The following THSD7A variants were observed in gnomAD, a reference collection of about 807,000 sequenced individuals.
THSD7A encodes thrombospondin type-1 domain-containing protein 7A.
In THSD7A, 96 loss-of-function variants were observed where a neutral mutation model predicts 231.3. The ratio of observed to expected loss-of-function variants is 0.41; its 90% CI spans 0.35 to 0.49. The LOEUF (loss-of-function observed/expected upper bound fraction) is 0.49, where lower values mean the gene tolerates loss of function less well. Among genes scored for constraint, THSD7A ranks in the 20% least tolerant of loss-of-function variants. The pLI, the probability that THSD7A is intolerant of heterozygous loss-of-function variation, is 0.05. For missense variants in THSD7A, 2,290 were observed against 2,070.2 expected (o/e 1.11, Z -2.06); for synonymous variants, 940 against 743.3 (o/e 1.26, Z -4.30).
chr7:11,721,350 G>A (rs1781344265), intron 1 of THSD7A, among the ~76,000 whole-genome samples: 1 of 151,706 alleles, frequency 6.6e-6, no homozygotes, highest in South Asian at 2.1e-4. Flanking sequence ...TTATGACAGT[G>A]AGTGAGTTCT....
At chr7:11,564,292 C>T (rs779459142) in intron 4 of THSD7A, among the ~76,000 whole-genome samples, 5 of 152,180 alleles carry the variant, frequency 3.3e-5, no homozygotes, top group Admixed American at 6.5e-5. Context: ...GGAGTTATCA[C>T]GTGGACACTA....
At position 11,636,550 on chromosome 7, in the gene THSD7A, G is replaced by C. The variant is rs374012708; in HGVS notation, c.602C>G (p.Ser201Cys). 7.4e-6 allele frequency: 12 copies of C among 1,613,880 alleles called. No homozygotes were observed. The highest frequency in any genetic ancestry group is 1.0e-5 in the Non-Finnish European group (12 of 1,179,904). The change falls in exon 2 of 28, where the codon TCT becomes TGT. Residue 201 changes from serine to cysteine, a missense_variant. Coordinates refer to ENST00000423059, the MANE Select transcript of THSD7A (RefSeq NM_015204.3). This position sits in a 1 kb window ranked among gnomAD's most constrained non-coding sequence, Gnocchi z 10.0. ...CQQDCIVSEFSAWSECSKTCG... is the reference protein window; with the variant it reads ...CQQDCIVSEFCAWSECSKTCG... The stretch of plus-strand genomic sequence containing the variant: ...GGTCTTGGAGCATTCGGACCAGGCA[G>C]AAAATTCAGACACGATGCAATCTTG...
chr7:11,554,526 AT>A (rs1166674008), intron 4 of THSD7A, among the ~76,000 whole-genome samples: 1 of 152,030 alleles, frequency 6.6e-6, no homozygotes, highest in Admixed American at 6.6e-5. Flanking sequence ...TGGATGCTAA[AT>A]TTTGTTAAAT....
chr7:11,575,218 T>A (rs1790840374), intron 4 of THSD7A, among the ~76,000 whole-genome samples: 1 of 152,174 alleles, frequency 6.6e-6, no homozygotes, highest in South Asian at 2.1e-4. Context: ...AGACAGAAAC[T>A]TGGTAATTAT....
chr7:11,403,329 G>A (rs983454233), intron 22 of THSD7A, among the ~76,000 whole-genome samples: 5 of 152,112 alleles, frequency 3.3e-5, no homozygotes, highest in Non-Finnish European at 5.9e-5. Flanking sequence ...ATATATATAC[G>A]TAATAGCAAA....
At chr7:11,618,462 C>T (rs1413839706) in intron 2 of THSD7A, among the ~76,000 whole-genome samples, 1 of 152,030 alleles carries the variant, frequency 6.6e-6, no homozygotes. Context: ...ACTTACACTC[C>T]ATTGGGGAAT....
At position 11,375,661 on chromosome 7, in the gene THSD7A, C is replaced by G; in HGVS notation, c.*133G>C. On this transcript the variant is annotated 3_prime_UTR_variant, in exon 28 of 28. Coordinates refer to ENST00000423059, the MANE Select transcript of THSD7A (RefSeq NM_015204.3). ...CTCCAGTGGCAGTATGATTTTCACT[C>G]TTGTCTTTATGATGCCATTTTTAAA... The G allele has an allele frequency of 1.4e-6, 1 of 703,002 alleles. No individual in the cohort carries two copies. The highest frequency in any genetic ancestry group is 2.1e-5 in the South Asian group (1 of 48,498). 43.5% of individuals were successfully genotyped at this position (703,002 alleles called of 1,614,324 possible).
chr7:11,718,041 T>C (rs923177534), intron 1 of THSD7A, among the ~76,000 whole-genome samples: 3 of 151,636 alleles, frequency 2.0e-5, no homozygotes, highest in Non-Finnish European at 3.0e-5. Context: ...CACAAATATA[T>C]ATGCAATCAT....
chr7:11,622,282 C>A lies in THSD7A; in HGVS notation c.1022+13848G>T, dbSNP rs1022241751. 4.6e-5 allele frequency among the ~76,000 whole-genome samples: 7 copies of A among 151,958 alleles called. 1 individual carries two copies. Among genetic ancestry groups the A allele is most frequent in the Non-Finnish European group, 1.0e-4 (7 of 67,950 alleles). ...TCTTTTTTGAAAGAGATTTAAAAAA[C>A]TTAAGAAGGTAAGAACTTTGTTTTC... is the stretch of plus-strand genomic sequence containing the variant. On this transcript the variant is annotated intron_variant, in intron 2 of 27. Coordinates refer to ENST00000423059, the MANE Select transcript of THSD7A (RefSeq NM_015204.3).
chr7:11,741,310 G>A (rs912301748), intron 1 of THSD7A, among the ~76,000 whole-genome samples: 1 of 151,878 alleles, frequency 6.6e-6, no homozygotes, highest in Non-Finnish European at 1.5e-5. Flanking sequence ...CTCCGTTTAA[G>A]AGATCCAAAG....
chr7:11,627,373 A>C (rs540326130), intron 2 of THSD7A, among the ~76,000 whole-genome samples: 36 of 152,178 alleles, frequency 2.4e-4, no homozygotes, highest in Non-Finnish European at 1.3e-4. Context: ...ATATAGCCTT[A>C]CATAATATAC....
intron 24 of THSD7A, among the ~76,000 whole-genome samples, 158 bp downstream of exon 24, chr7:11,382,363 T>C (rs1177524769): frequency 9.9e-5 from 15 of 152,166 alleles, no homozygotes; most frequent in Admixed American, 2.6e-4. Flanking sequence ...TAATTTGTCA[T>C]TGGTCACCAG....
At chr7:11,502,474 G>C (rs1189030314) in intron 6 of THSD7A, among the ~76,000 whole-genome samples, 1 of 152,090 alleles carries the variant, frequency 6.6e-6, no homozygotes, top group African/African-American at 2.4e-5. Flanking sequence ...TACAAGACTG[G>C]TTCAACATAT....
rs1446342470 is a variant in THSD7A, at chr7:11,831,450, C to T, written c.190+307G>A. Among the ~76,000 whole-genome samples the T allele has an allele frequency of 6.6e-6, 1 of 152,152 alleles. No homozygotes were observed. Among genetic ancestry groups the T allele is most frequent in the Non-Finnish European group, 1.5e-5 (1 of 68,030 alleles). On this transcript the variant is annotated intron_variant, in intron 1 of 27. Coordinates refer to ENST00000423059, the MANE Select transcript of THSD7A (RefSeq NM_015204.3). This position sits in a 1 kb window ranked among gnomAD's most constrained non-coding sequence, Gnocchi z 5.0. The stretch of plus-strand genomic sequence containing the variant: ...CTTTGCTAGAAATCTGTTTGAGAAA[C>T]TCCTAGTAGAATGAAAATCCAGGGG...
chr7:11,707,964 A>G (rs976795848), intron 1 of THSD7A, among the ~76,000 whole-genome samples: 1 of 150,804 alleles, frequency 6.6e-6, no homozygotes, highest in African/African-American at 2.4e-5. Flanking sequence ...ACCTTACAAA[A>G]TATGCCAATG....
intron 6 of THSD7A, among the ~76,000 whole-genome samples, chr7:11,488,071 A>T (rs1269906487): frequency 6.6e-6 from 1 of 152,196 alleles, no homozygotes; most frequent in Non-Finnish European, 1.5e-5. Context: ...AAATTGAAGC[A>T]GAGAGGGACC....
At position 11,542,983 on chromosome 7, in the gene THSD7A, T is replaced by C. The variant is rs753105359; in HGVS notation, c.1588A>G (p.Asn530Asp). 1 of 1,613,754 alleles carries C rather than the reference T, an allele frequency of 6.2e-7. No homozygotes were observed. The highest frequency in any genetic ancestry group is 1.7e-5 in the Admixed American group (1 of 59,982). ...AWGPCTYENC[N>D]DQQGKKGFKL... Reference sequence around the variant, plus strand: ...CTACCTTTTTTCCCTTGCTGATCATTACAGTTTTCATAAGTACAAGGTCCC... The same window carrying C: ...CTACCTTTTTTCCCTTGCTGATCATCACAGTTTTCATAAGTACAAGGTCCC... The change falls in exon 5 of 28, where the codon AAT (asparagine) becomes GAT (aspartate). Residue 530 changes from asparagine to aspartate, a missense_variant. Asn to Asp is a conservative substitution (Grantham distance 23). Transcript: ENST00000423059.
chr7:11,744,797 T>G (rs1163134689), intron 1 of THSD7A, among the ~76,000 whole-genome samples: 2 of 152,090 alleles, frequency 1.3e-5, no homozygotes, highest in Non-Finnish European at 2.9e-5. Context: ...CTGCATAGTA[T>G]TCCATGGTGT....
chr7:11,797,954 T>C (rs978238586), intron 1 of THSD7A, among the ~76,000 whole-genome samples: 27 of 152,282 alleles, frequency 1.8e-4, no homozygotes, highest in South Asian at 4.1e-4. Context: ...AAATAACTTG[T>C]CAGAGAAAAT....
Sources: gnomAD v4.1 joint callset for allele counts (sites outside exome capture counted in the v4.1 genomes callset) on GRCh38, gnomAD v4.1.1 for gene constraint, Gnocchi (gnomAD v3.1) non-coding constraint, MANE v1.5 for transcripts, NCBI Gene and HGNC (gene_info 2026-07-23, HGNC 2026-07-21) for gene names.